NXN: variants seen among roughly 807,000 people sequenced by gnomAD.
NXN encodes the protein nucleoredoxin 1.
A neutral mutation model predicts 48.6 loss-of-function variants in NXN; 16 were observed. The ratio of observed to expected loss-of-function variants is 0.33; its 90% CI spans 0.22 to 0.50. The LOEUF is 0.50. NXN is among the 20% of genes least tolerant of loss of function. The pLI is 0.98. For synonymous variants in NXN, 281 were observed against 269.6 expected, an observed-to-expected ratio of 1.04 and a Z score of -0.41; for missense variants, 492 against 605.5, an observed-to-expected ratio of 0.81 and a Z score of 1.97.
chr17:901,430 T>C (rs1449868481), intron 1 of NXN, among the ~76,000 whole-genome samples: 1 of 152,162 alleles, frequency 6.6e-6, no homozygotes, highest in Non-Finnish European at 1.5e-5. Context: ...ACAGCAGACC[T>C]GGTCCAACTC....
intron 1 of NXN, among the ~76,000 whole-genome samples, chr17:832,187 T>C (rs1312431929): frequency 6.6e-6 from 1 of 151,692 alleles, no homozygotes; most frequent in Non-Finnish European, 1.5e-5. Context: ...GAATTTTTTT[T>C]TCTTTTTTGA....
chr17:922,984 C>T (rs2068763562), intron 1 of NXN, among the ~76,000 whole-genome samples: 1 of 151,912 alleles, frequency 6.6e-6, no homozygotes, highest in Non-Finnish European at 1.5e-5. Context: ...CCGTGTGTGG[C>T]TCCCAGGGCC....
At chr17:842,999 AG>A (rs1914435655) in intron 1 of NXN, among the ~76,000 whole-genome samples, 3 of 94,510 alleles carry the variant, frequency 3.2e-5, no homozygotes, top group African/African-American at 1.3e-4. Flanking sequence ...AGAGAAAGAG[AG>A]AAAGAGAGAA....
At chr17:833,988 C>T (rs1913643236) in intron 1 of NXN, among the ~76,000 whole-genome samples, 1 of 152,218 alleles carries the variant, frequency 6.6e-6, no homozygotes, top group African/African-American at 2.4e-5. Context: ...ACATCAGAGC[C>T]ACCCAGGACT....
At chr17:937,785 G>C (rs1176934598) in intron 1 of NXN, among the ~76,000 whole-genome samples, 1 of 152,226 alleles carries the variant, frequency 6.6e-6, no homozygotes, top group East Asian at 1.9e-4. Flanking sequence ...AATTCACGGG[G>C]CGTTCGATGA....
chr17:916,331 A>G (rs80352103), intron 1 of NXN, among the ~76,000 whole-genome samples: 1,805 of 152,316 alleles, frequency 0.012, 33 homozygotes, highest in African/African-American at 0.041. Flanking sequence ...TGAAAATGAG[A>G]TTATTTAAAA....
At chr17:934,326 G>C (rs575037418) in intron 1 of NXN, among the ~76,000 whole-genome samples, 1 of 151,760 alleles carries the variant, frequency 6.6e-6, no homozygotes, top group East Asian at 2.0e-4. Flanking sequence ...GGCACCTGTA[G>C]TCCCAGCTAC....
At chr17:831,021 C>T (rs1913431737) in intron 1 of NXN, among the ~76,000 whole-genome samples, 1 of 138,792 alleles carries the variant, frequency 7.2e-6, no homozygotes, top group South Asian at 2.3e-4. Flanking sequence ...AAAAAACATG[C>T]TCTAACCTAT....
chr17:826,127 T>C (rs376445990), intron 1 of NXN, 49 bp from the exon 2 acceptor site: 10 of 1,242,386 alleles, frequency 8.0e-6, no homozygotes, highest in South Asian at 1.2e-5. Flanking sequence ...ACCAGATTCA[T>C]TGCAGAGTTC....
chr17:819,226 G>T, intron 5 of NXN: 1 of 566,432 alleles, frequency 1.8e-6, no homozygotes, highest in Non-Finnish European at 3.2e-6. Context: ...GGGTTACAGT[G>T]TGAGCTGCCA....
At chr17:805,020 T>TACCC in intron 6 of NXN, 48 bp downstream of exon 6, 4 of 1,512,878 alleles carry the variant, frequency 2.6e-6, no homozygotes, top group Non-Finnish European at 2.7e-6. Context: ...GCCCCTCCTG[T>TACCC]CCCGCCCCCC....
At chr17:811,512 G>T (rs563965873) in intron 5 of NXN, among the ~76,000 whole-genome samples, 27 of 151,970 alleles carry the variant, frequency 1.8e-4, no homozygotes, top group African/African-American at 5.1e-4. Context: ...CCGGGGTTGG[G>T]GGGGGGGCAG....
chr17:837,678 G>A (rs577557840), intron 1 of NXN, among the ~76,000 whole-genome samples: 14 of 152,246 alleles, frequency 9.2e-5, no homozygotes, highest in African/African-American at 2.6e-4. Context: ...AGCTTCTCTC[G>A]CTTTGCCCGA....
At chr17:946,718 G>A (rs188873098) in intron 1 of NXN, among the ~76,000 whole-genome samples, 145 of 152,328 alleles carry the variant, frequency 9.5e-4, no homozygotes, top group African/African-American at 3.2e-3. Flanking sequence ...CCCCCGCAGC[G>A]GGCGACTGTA....
At chr17:858,439 C>T (rs2068008356) in intron 1 of NXN, among the ~76,000 whole-genome samples, 2 of 152,054 alleles carry the variant, frequency 1.3e-5, no homozygotes, top group Admixed American at 1.3e-4. Flanking sequence ...TAGAAAACAG[C>T]CCTACAGGCT....
chr17:862,516 CCTGT>C (rs1482725677), intron 1 of NXN, among the ~76,000 whole-genome samples: 1 of 152,158 alleles, frequency 6.6e-6, no homozygotes, highest in Non-Finnish European at 1.5e-5. Flanking sequence ...GGGGCAAGAC[CCTGT>C]CTCTTAAAAC....
At chr17:952,238 T>TGG (rs754850846) in intron 1 of NXN, among the ~76,000 whole-genome samples, 3 of 41,092 alleles carry the variant, frequency 7.3e-5, no homozygotes, top group African/African-American at 4.0e-4. Context: ...GGTCACACTG[T>TGG]GGGGGGGCTG....
At chr17:938,219 G>A (rs113448873) in intron 1 of NXN, among the ~76,000 whole-genome samples, 2 of 152,258 alleles carry the variant, frequency 1.3e-5, no homozygotes, top group Non-Finnish European at 2.9e-5. Flanking sequence ...TTTCCACTTG[G>A]GCGGTTTTAC....
At chr17:835,155 A>C (rs1409358655) in intron 1 of NXN, among the ~76,000 whole-genome samples, 1 of 151,710 alleles carries the variant, frequency 6.6e-6, no homozygotes, top group Non-Finnish European at 1.5e-5. Flanking sequence ...AAAAATACAA[A>C]AAATTAGCCG....
Sources: allele counts gnomAD v4.1 joint callset (sites outside exome capture counted in the v4.1 genomes callset), GRCh38; gene constraint gnomAD v4.1.1; transcripts MANE v1.5; gene names NCBI Gene and HGNC (gene_info 2026-07-23, HGNC 2026-07-21).